Variants in NPHP1 observed in about 807,000 individuals in gnomAD.
NPHP1 encodes nephrocystin 1, also known as nephrocystin-1.
Under a neutral mutation model 90.4 loss-of-function variants are expected in NPHP1, and 70 were observed. The ratio of observed to expected loss-of-function variants is 0.77; its 90% CI spans 0.64 to 0.95. The LOEUF (loss-of-function observed/expected upper bound fraction) is 0.95. Ranked by LOEUF, NPHP1 falls within the 40% of genes least tolerant of loss-of-function variation. The probability of loss-of-function intolerance (pLI) is 0.00; values close to 1 mark genes in which losing one functional copy is unlikely to be tolerated. For missense variants in NPHP1, 764 were observed against 795.9 expected (o/e 0.96, Z 0.48); for synonymous variants, 256 against 271.7 (o/e 0.94, Z 0.57).
At chr2:110,140,873 A>C (rs1166746609) in intron 16 of NPHP1, among the ~76,000 whole-genome samples, 2 of 152,228 alleles carry the variant, frequency 1.3e-5, no homozygotes, top group East Asian at 1.9e-4. Flanking sequence ...TGAACTGTTA[A>C]CACTATAATT....
At chr2:110,149,320 A>G (rs564009255) in intron 12 of NPHP1, among the ~76,000 whole-genome samples, 26 of 152,306 alleles carry the variant, frequency 1.7e-4, no homozygotes, top group African/African-American at 6.0e-4. Context: ...ACCCCAGGAA[A>G]AACATTAAAA....
intron 19 of NPHP1, chr2:110,125,293 T>C (rs768323721): frequency 1.7e-4 from 267 of 1,535,572 alleles, no homozygotes; most frequent in South Asian, 7.4e-4. Context: ...CATTTTTTTT[T>C]CCCTTCTCTT....
At chr2:110,138,635 G>C (rs1047740050) in intron 16 of NPHP1, among the ~76,000 whole-genome samples, 1 of 152,088 alleles carries the variant, frequency 6.6e-6, no homozygotes, top group Non-Finnish European at 1.5e-5. Context: ...ACATGTTCAT[G>C]AGCAAGGGGC....
chr2:110,204,407 TG>T (rs1685784696), intron 1 of NPHP1, among the ~76,000 whole-genome samples: 1 of 152,214 alleles, frequency 6.6e-6, no homozygotes, highest in Non-Finnish European at 1.5e-5. Flanking sequence ...CAGATCTTAA[TG>T]TTCTTGCATA....
Position 110,135,350 on chromosome 2 carries a change from G to A in NPHP1, c.1530-3559C>T, listed in dbSNP as rs534342245. ...AAATTAGCTGGGCGTGTTGGCAGGC[G>A]CCTGTAGTCCCAGCTACTTGGGAGG... On this transcript the variant is annotated intron_variant, in intron 16 of 19. Transcript: ENST00000445609. Among the ~76,000 whole-genome samples the A allele has an allele frequency of 1.9e-4, 29 of 151,140 alleles. No individual in the cohort carries two copies. The East Asian group carries it at 3.1e-3, about 16-fold the overall frequency.
intron 4 of NPHP1, among the ~76,000 whole-genome samples, chr2:110,172,962 CT>C (rs559012343): frequency 1.7e-3 from 225 of 136,046 alleles, no homozygotes; most frequent in African/African-American, 3.0e-3. Flanking sequence ...TTTTCTTTTT[CT>C]TTTTTTTTTT....
rs1229048836 is a variant in NPHP1, at chr2:110,199,050, G to T, written c.143+2371C>A. Among the ~76,000 whole-genome samples, 3 of 152,138 alleles carry T rather than the reference G, an allele frequency of 2.0e-5. No individual in the cohort carries two copies. In the East Asian group the frequency reaches 5.8e-4, roughly 29 times the overall value. On this transcript the variant is annotated intron_variant, in intron 2 of 19. Coordinates refer to ENST00000445609, the MANE Select transcript of NPHP1 (RefSeq NM_001128178.3). ...AAAAAAAAGCCTCCTAGTCATGGAA[G>T]TAGTAAGAAGGCAATCAATATGAAA...
intron 2 of NPHP1, among the ~76,000 whole-genome samples, chr2:110,187,378 A>G (rs987131558): frequency 1.3e-5 from 2 of 152,188 alleles, no homozygotes; most frequent in Admixed American, 6.5e-5. Context: ...AGCAGAGAAT[A>G]CTATAAACAC....
intron 2 of NPHP1, among the ~76,000 whole-genome samples, chr2:110,193,940 A>G (rs900729534): frequency 6.6e-5 from 10 of 152,328 alleles, no homozygotes; most frequent in Middle Eastern, 3.4e-3. Flanking sequence ...GCAGAAATAA[A>G]GATGTTCTTT....
intron 16 of NPHP1, among the ~76,000 whole-genome samples, chr2:110,135,394 G>A (rs988018191): frequency 1.8e-4 from 27 of 147,508 alleles, no homozygotes; most frequent in Admixed American, 1.1e-3. Context: ...GGAGAATGGC[G>A]TGAACCCGGG....
chr2:110,153,703 C>T (rs138483878), intron 11 of NPHP1, among the ~76,000 whole-genome samples: 2,395 of 152,080 alleles, frequency 0.016, 35 homozygotes, highest in Middle Eastern at 0.065. Flanking sequence ...TCAAGTGGGG[C>T]GGGTGCGGTA....
At chr2:110,139,810 C>T (rs966311510) in intron 16 of NPHP1, among the ~76,000 whole-genome samples, 10 of 152,062 alleles carry the variant, frequency 6.6e-5, no homozygotes, top group African/African-American at 2.2e-4. Context: ...AGAGGCGGGG[C>T]GTGCCTTTGA....
At chr2:110,170,892 G>A (rs73954630) in intron 4 of NPHP1, among the ~76,000 whole-genome samples, 3,360 of 152,162 alleles carry the variant, frequency 0.022, 133 homozygotes, top group African/African-American at 0.077. Flanking sequence ...GAATGGTAGG[G>A]CAAGGCTTAA....
intron 11 of NPHP1, 126 bp from the exon 12 acceptor site, chr2:110,150,382 T>TATTATTA: frequency 1.2e-6 from 1 of 822,636 alleles, no homozygotes. Flanking sequence ...AACTTTCACT[T>TATTATTA]TTTACTTCAT....
Position 110,182,468 on chromosome 2 carries a change from G to A in NPHP1, c.144-2784C>T, listed in dbSNP as rs181606323. ...GAAACCCAAACCCTATAAGCCAGCA[G>A]AGACTGGGGACCAATATTCATCATT... On this transcript the variant is annotated intron_variant, in intron 2 of 19. Coordinates refer to ENST00000445609, the MANE Select transcript of NPHP1 (RefSeq NM_001128178.3). Among the ~76,000 whole-genome samples, 3 of 152,146 alleles carry A rather than the reference G, an allele frequency of 2.0e-5. No homozygotes were observed. The East Asian group carries it at 5.8e-4, about 29-fold the overall frequency.
chr2:110,135,320 A>T (rs1394594769), intron 16 of NPHP1, among the ~76,000 whole-genome samples: 1 of 151,746 alleles, frequency 6.6e-6, no homozygotes, highest in Non-Finnish European at 1.5e-5. Flanking sequence ...TACTAAAAAT[A>T]CAAAAAATTA....
At chr2:110,193,889 A>G (rs887769453) in intron 2 of NPHP1, among the ~76,000 whole-genome samples, 11 of 152,146 alleles carry the variant, frequency 7.2e-5, no homozygotes, top group African/African-American at 2.7e-4. Flanking sequence ...AAACTGAACA[A>G]CCTGCTCCGG....
At chr2:110,193,710 C>T (rs558736616) in intron 2 of NPHP1, among the ~76,000 whole-genome samples, 199 of 152,026 alleles carry the variant, frequency 1.3e-3, no homozygotes, top group Middle Eastern at 6.8e-3. Flanking sequence ...ATACATTATT[C>T]TCAGCACCAC....
At chr2:110,178,899 A>G (rs1376137990) in intron 3 of NPHP1, 1 of 194,374 alleles carries the variant, frequency 5.1e-6, no homozygotes, top group Non-Finnish European at 1.0e-5. Context: ...CAGAAGAGGC[A>G]TGGATGCTTC....
Sources: allele counts gnomAD v4.1 joint callset (sites outside exome capture counted in the v4.1 genomes callset), GRCh38; gene constraint gnomAD v4.1.1; transcripts MANE v1.5; gene names NCBI Gene and HGNC (gene_info 2026-07-23, HGNC 2026-07-21).